The following CEP170 variants were observed in gnomAD, a reference collection of about 807,000 sequenced individuals.
CEP170 encodes the protein centrosomal protein of 170 kDa.
A neutral mutation model predicts 151.9 loss-of-function variants in CEP170; 21 were observed. The observed-to-expected ratio is 0.14, with a 90% confidence interval of 0.10 to 0.20. CEP170 has a LOEUF of 0.20. CEP170 is among the 10% of genes least tolerant of loss of function. CEP170 has a pLI of 1.00. For synonymous variants in CEP170, 356 were observed against 648.8 expected, an observed-to-expected ratio of 0.55 and a Z score of 6.86; for missense variants, 964 against 1,892.9, an observed-to-expected ratio of 0.51 and a Z score of 9.11.
intron 14 of CEP170, 29 bp downstream of exon 14, chr1:243,156,192 A>T (rs1421576064): frequency 1.2e-5 from 19 of 1,555,260 alleles, no homozygotes; most frequent in Non-Finnish European, 1.4e-5. Context: ...GAAATTTTGA[A>T]TTCTTAAAGA....
In CEP170 at chr1:243,132,836, G is replaced by A. The variant is rs979025171; in HGVS notation, c.4319+3307C>T. 7.9e-5 allele frequency among the ~76,000 whole-genome samples: 12 copies of A among 152,122 alleles called. No individual in the cohort carries two copies. The South Asian group carries it at 8.3e-4, about 11-fold the overall frequency. ...GGTTAAGACTCCAGTTAGCAGGGAC[G>A]GACCTGTATTTCAGTAGGTAGGATG... is the stretch of plus-strand genomic sequence containing the variant. On this transcript the variant is annotated intron_variant, in intron 17 of 19. Transcript: ENST00000366542.
At chr1:243,130,179 A>C (rs895376142) in intron 17 of CEP170, among the ~76,000 whole-genome samples, 3 of 152,150 alleles carry the variant, frequency 2.0e-5, no homozygotes, top group African/African-American at 7.2e-5. Context: ...TATAGGAATA[A>C]GTGAGATGAA....
chr1:243,222,949 A>T (rs1368979259), intron 2 of CEP170, among the ~76,000 whole-genome samples: 2 of 152,212 alleles, frequency 1.3e-5, no homozygotes, highest in Non-Finnish European at 2.9e-5. Context: ...CTTGAGATTT[A>T]AAAAAACTCC....
chr1:243,254,240 C>G (rs1330157329), intron 1 of CEP170: 2 of 151,604 alleles, frequency 1.3e-5, no homozygotes, highest in African/African-American at 2.4e-5. Context: ...GAAACACCAC[C>G]GAACAGAGAT....
At chr1:243,156,502 A>G in intron 13 of CEP170, 47 bp from the exon 14 acceptor site, 1 of 1,484,260 alleles carries the variant, frequency 6.7e-7, no homozygotes. Context: ...GTTATCATTT[A>G]AAGGAGGTAA....
At chr1:243,246,565 T>A (rs1430367241) in intron 1 of CEP170, among the ~76,000 whole-genome samples, 1 of 152,192 alleles carries the variant, frequency 6.6e-6, no homozygotes, top group African/African-American at 2.4e-5. Flanking sequence ...CATTTAATTT[T>A]CATAAATTGT....
rs34323706 is a variant in CEP170, at chr1:243,227,266, C to CAA, written c.-41-1947_-41-1946dup. Among the ~76,000 whole-genome samples, 135 of 146,628 alleles carry CAA rather than the reference C, an allele frequency of 9.2e-4. 3 individuals are homozygous for CAA. Among genetic ancestry groups the CAA allele is most frequent in the South Asian group, 8.7e-3 (41 of 4,714 alleles). On this transcript the variant is annotated intron_variant, in intron 1 of 19. Transcript: ENST00000366542. The stretch of plus-strand genomic sequence containing the variant: ...TGACAGCTCAAATATTATCATTGGT[C>CAA]AAAAAAAAAAAATCCTGTCACTTAA...
intron 1 of CEP170, among the ~76,000 whole-genome samples, chr1:243,251,011 G>A (rs2065887297): frequency 6.6e-6 from 1 of 152,186 alleles, no homozygotes; most frequent in African/African-American, 2.4e-5. Context: ...GAAACCATAT[G>A]AAGTTGGAGG....
At chr1:243,248,904 T>C (rs2065669512) in intron 1 of CEP170, among the ~76,000 whole-genome samples, 1 of 152,158 alleles carries the variant, frequency 6.6e-6, no homozygotes, top group African/African-American at 2.4e-5. Context: ...AATTCACTTA[T>C]CCCATTCCTG....
chr1:243,167,737 T>C (rs1235444074), intron 12 of CEP170, among the ~76,000 whole-genome samples: 1 of 151,886 alleles, frequency 6.6e-6, no homozygotes, highest in African/African-American at 2.4e-5. Flanking sequence ...ACTGAACTGA[T>C]AGATTTAACT....
At chr1:243,247,744 T>C (rs943753006) in intron 1 of CEP170, among the ~76,000 whole-genome samples, 1 of 152,204 alleles carries the variant, frequency 6.6e-6, no homozygotes, top group East Asian at 1.9e-4. Flanking sequence ...ATAGAGTGCA[T>C]AGGAAGTAAA....
intron 1 of CEP170, among the ~76,000 whole-genome samples, chr1:243,229,168 G>A (rs898459933): frequency 1.2e-4 from 18 of 152,208 alleles, no homozygotes; most frequent in African/African-American, 4.1e-4. Context: ...CAGTAGCCAA[G>A]GCACGTGACT....
At chr1:243,249,115 A>C (rs76820810) in intron 1 of CEP170, among the ~76,000 whole-genome samples, 3,676 of 152,210 alleles carry the variant, frequency 0.024, 147 homozygotes, top group African/African-American at 0.082. Context: ...ATATGTATTT[A>C]TATTTGCTTG....
At chr1:243,243,313 T>A (rs1449772359) in intron 1 of CEP170, among the ~76,000 whole-genome samples, 2 of 151,978 alleles carry the variant, frequency 1.3e-5, no homozygotes, top group Admixed American at 1.3e-4. Context: ...GAATTCCTCA[T>A]GTAGGTAAAG....
intron 10 of CEP170, among the ~76,000 whole-genome samples, chr1:243,178,812 G>C (rs1019118398): frequency 6.6e-6 from 1 of 151,548 alleles, no homozygotes; most frequent in African/African-American, 2.4e-5. Flanking sequence ...TCCGCCTCCC[G>C]GGTTCAAGCG....
At chr1:243,211,436 T>A (rs2061796324) in intron 4 of CEP170, 1 of 155,906 alleles carries the variant, frequency 6.4e-6, no homozygotes, top group African/African-American at 2.4e-5. Flanking sequence ...AATATAGCTG[T>A]GATGCATAAA....
chr1:243,216,348 C>T (rs1488550850), intron 3 of CEP170, among the ~76,000 whole-genome samples: 2 of 150,364 alleles, frequency 1.3e-5, no homozygotes, highest in Non-Finnish European at 3.0e-5. Context: ...GCTATCCCTG[C>T]CCCCCTCCCC....
chr1:243,205,850 A>C (rs764573021), intron 4 of CEP170, among the ~76,000 whole-genome samples: 2 of 152,080 alleles, frequency 1.3e-5, no homozygotes, highest in Non-Finnish European at 2.9e-5. Flanking sequence ...ATTTTTTCCA[A>C]ATTGGATTGA....
chr1:243,234,522 A>G (rs1361058531), intron 1 of CEP170, among the ~76,000 whole-genome samples: 2 of 152,244 alleles, frequency 1.3e-5, no homozygotes, highest in African/African-American at 4.8e-5. Flanking sequence ...AGTAAAGCTT[A>G]TCAACTGAAA....
Sources: gnomAD v4.1 joint callset for allele counts (sites outside exome capture counted in the v4.1 genomes callset) on GRCh38, gnomAD v4.1.1 for gene constraint, MANE v1.5 for transcripts, NCBI Gene and HGNC (gene_info 2026-07-23, HGNC 2026-07-21) for gene names.